Variants in MAG observed in about 807,000 individuals in gnomAD.
MAG encodes the protein myelin-associated glycoprotein.
A neutral mutation model predicts 60.7 loss-of-function variants in MAG; 30 were observed. That is an observed-to-expected ratio of 0.49 (90% CI 0.37 to 0.67). The LOEUF is 0.67. MAG is among the 30% of genes least tolerant of loss of function. MAG has a pLI of 0.00. For missense variants in MAG, 795 were observed against 851.7 expected, an observed-to-expected ratio of 0.93 and a Z score of 0.83; for synonymous variants, 384 against 376.8, an observed-to-expected ratio of 1.02 and a Z score of -0.22.
At position 35,293,004 on chromosome 19, in the gene MAG, C is replaced by T. The variant is rs141252470; in HGVS notation, c.-80+800C>T. On this transcript the variant is annotated intron_variant, in intron 1 of 10. Transcript: ENST00000392213. This position sits in a 1 kb window ranked among gnomAD's most constrained non-coding sequence, Gnocchi z 4.0. ...CATATGTTTATGGACTGTGGCCACA[C>T]ACACTGTAATAGCTGAGGTTGATTT... Among the ~76,000 whole-genome samples the T allele has an allele frequency of 7.6e-4, 115 of 152,272 alleles. No individual in the cohort carries two copies. The highest frequency in any genetic ancestry group is 2.6e-3 in the African/African-American group (108 of 41,542).
rs777551595 is a variant in MAG, at chr19:35,310,092, C to G, written c.1450C>G (p.Pro484Ala). 4 of 1,612,944 alleles carry G rather than the reference C, an allele frequency of 2.5e-6. No individual in the cohort carries two copies. Among genetic ancestry groups the G allele is most frequent in the Non-Finnish European group, 1.7e-6 (2 of 1,179,578 alleles). The change falls in exon 8 of 11, where the codon CCC (proline) becomes GCC (alanine). Residue 484 changes from proline to alanine, a missense_variant. Coordinates refer to ENST00000392213, the MANE Select transcript of MAG (RefSeq NM_002361.4). ...LTLRGQAQAP[P>A]RVICTARNLY... Reference sequence around the variant, plus strand: ...GCTGCGGGGGCAGGCCCAGGCCCCGCCCCGCGTCATCTGCACCGCGAGGAA... The same window carrying G: ...GCTGCGGGGGCAGGCCCAGGCCCCGGCCCGCGTCATCTGCACCGCGAGGAA...
chr19:35,297,949 C>T (rs2066414386), intron 4 of MAG, among the ~76,000 whole-genome samples: 1 of 144,166 alleles, frequency 6.9e-6, no homozygotes, highest in Non-Finnish European at 1.5e-5. Flanking sequence ...TACACACACA[C>T]ACCACACCAA....
intron 9 of MAG, among the ~76,000 whole-genome samples, chr19:35,310,926 T>G (rs2066522440): frequency 6.6e-6 from 1 of 151,988 alleles, no homozygotes; most frequent in South Asian, 2.1e-4. Context: ...CTAGGAACTC[T>G]CCCCTACACA....
At chr19:35,312,291 T>G (rs1257994335) in intron 10 of MAG, 4 of 1,613,560 alleles carry the variant, frequency 2.5e-6, no homozygotes, top group Non-Finnish European at 3.4e-6. Context: ...TCCAAAGAGG[T>G]TTCTACCCTG....
At position 35,303,418 on chromosome 19, in the gene MAG, C is replaced by T. The variant is rs1415400829; in HGVS notation, c.1231+710C>T. The stretch of plus-strand genomic sequence containing the variant: ...TGAGGGAGGTTCTATTACTGTTTCC[C>T]TGTTTACGGAGAAGGAAACTGAGAC... On this transcript the variant is annotated intron_variant, in intron 7 of 10. Coordinates refer to ENST00000392213, the MANE Select transcript of MAG (RefSeq NM_002361.4). Among the ~76,000 whole-genome samples, 5 of 152,166 alleles carry T rather than the reference C, an allele frequency of 3.3e-5. No homozygotes were observed. The East Asian group carries it at 7.7e-4, about 23-fold the overall frequency.
chr19:35,300,526 C>A, intron 6 of MAG, 122 bp downstream of exon 6: 2 of 1,252,482 alleles, frequency 1.6e-6, no homozygotes, highest in Non-Finnish European at 2.1e-6. Flanking sequence ...CAGTCGAGGC[C>A]AAGGTAGACA....
At position 35,313,600 on chromosome 19, in the gene MAG, C is replaced by T. The variant is rs1229578366; in HGVS notation, c.*146C>T. ...TGACAGTGAGGTCCTGGGGGCCTGA[C>T]CTCCCCCTCCTTCCCAGCTGCCCCT... On this transcript the variant is annotated 3_prime_UTR_variant, in exon 11 of 11. Coordinates refer to ENST00000392213, the MANE Select transcript of MAG (RefSeq NM_002361.4). 8.3e-6 allele frequency: 6 copies of T among 721,310 alleles called. No homozygotes were observed. The East Asian group carries it at 8.5e-5, about 10-fold the overall frequency. The allele number at this position is 721,310 out of a possible 1,614,324, so 44.7% of individuals were successfully genotyped here. A position where few individuals can be genotyped will look rare whatever the true frequency, so the allele number is the denominator to read the frequency against.
At chr19:35,310,416 C>A in intron 8 of MAG, 131 bp from the exon 9 acceptor site, 1 of 880,414 alleles carries the variant, frequency 1.1e-6, no homozygotes. Context: ...GGCTCCGTGC[C>A]AATCAGTCAG....
Position 35,310,087 on chromosome 19 carries a change from C to G in MAG, c.1445C>G (p.Ala482Gly). 6.2e-7 allele frequency: 1 copy of G among 1,612,922 alleles called. No individual in the cohort carries two copies. The highest frequency in any genetic ancestry group is 8.5e-7 in the Non-Finnish European group (1 of 1,179,626). ...CTCACGCTGCGGGGGCAGGCCCAGG[C>G]CCCGCCCCGCGTCATCTGCACCGCG... is the stretch of plus-strand genomic sequence containing the variant. ...SILTLRGQAQ[A>G]PPRVICTARN... Residue 482 changes from alanine (A) to glycine (G), a missense_variant, in exon 8 of 11, where the codon GCC becomes GGC. Transcript: ENST00000392213.
intron 10 of MAG, chr19:35,312,417 A>G: frequency 8.2e-7 from 1 of 1,213,090 alleles, no homozygotes. Flanking sequence ...TCAGGCGTCA[A>G]GGTGGTCTCT....
intron 4 of MAG, among the ~76,000 whole-genome samples, chr19:35,298,829 C>T (rs557930378): frequency 6.7e-6 from 1 of 149,986 alleles, no homozygotes; most frequent in African/African-American, 2.5e-5. Flanking sequence ...ACATGTACTA[C>T]CCACACATCA....
rs367931747 is a variant in MAG at position 35,309,400 on chromosome 19, T to G, written c.1232-474T>G. Among the ~76,000 whole-genome samples the G allele has an allele frequency of 3.4e-3, 514 of 152,236 alleles. 2 individuals carry two copies. The highest frequency in any genetic ancestry group is 0.012 in the African/African-American group (495 of 41,538). On this transcript the variant is annotated intron_variant, in intron 7 of 10. Transcript: ENST00000392213. Reference sequence around the variant, plus strand: ...GGGTTTACATGAGGGTTTAAGGAATTTGGCCCAGGGCTGGGGCTGGTTTCT... The same window carrying G: ...GGGTTTACATGAGGGTTTAAGGAATGTGGCCCAGGGCTGGGGCTGGTTTCT...
intron 9 of MAG, among the ~76,000 whole-genome samples, chr19:35,311,344 G>A (rs1182516268): frequency 1.3e-5 from 2 of 152,076 alleles, no homozygotes; most frequent in African/African-American, 4.8e-5. Flanking sequence ...CGTGCCTGTT[G>A]TCCCAGCTAC....
intron 1 of MAG, among the ~76,000 whole-genome samples, 152 bp from the exon 2 acceptor site, chr19:35,294,083 C>T (rs976367585): frequency 1.4e-5 from 2 of 146,478 alleles, no homozygotes; most frequent in African/African-American, 2.6e-5. Flanking sequence ...AGAGTGGCTT[C>T]GAGGCTGTGT....
chr19:35,307,071 T>C (rs1233887558), intron 7 of MAG, among the ~76,000 whole-genome samples: 3 of 152,258 alleles, frequency 2.0e-5, no homozygotes, highest in Non-Finnish European at 4.4e-5. Flanking sequence ...GTCGAACACT[T>C]TGTCACCAGA....
At position 35,293,943 on chromosome 19, in the gene MAG, G is replaced by A. The variant is rs2066376778; in HGVS notation, c.-79-292G>A. Among the ~76,000 whole-genome samples, 1 of 152,038 alleles carries A rather than the reference G, an allele frequency of 6.6e-6. No homozygotes were observed. The highest frequency in any genetic ancestry group is 6.5e-5 in the Admixed American group (1 of 15,272). ...CCCTGCCCGCCACCCCCAGGCCCCG[G>A]CCGTGGGACATCTGCTCCCTCACTC... On this transcript the variant is annotated intron_variant, in intron 1 of 10. Transcript: ENST00000392213. This position sits in a 1 kb window ranked among gnomAD's most constrained non-coding sequence, Gnocchi z 4.0.
At position 35,309,859 on chromosome 19, in the gene MAG, AT is replaced by A; in HGVS notation, c.1232-11del. On this transcript the variant is annotated splice_polypyrimidine_tract_variant and intron_variant, in intron 7 of 10. Coordinates refer to ENST00000392213, the MANE Select transcript of MAG (RefSeq NM_002361.4). ...TGGCTCCGGGCCACCCTCAGACCTG[AT>A]TTTGCCCCTGCAGTCGCCCCTGTGC... 1 of 1,601,172 alleles carries A rather than the reference AT, an allele frequency of 6.2e-7. No homozygotes were observed.
chr19:35,296,579 G>C (rs1435920288), intron 4 of MAG, among the ~76,000 whole-genome samples: 1 of 152,102 alleles, frequency 6.6e-6, no homozygotes, highest in East Asian at 1.9e-4. Flanking sequence ...AAGCCAAATA[G>C]AATACAGCTA....
At chr19:35,309,819 G>C in intron 7 of MAG, 55 bp from the exon 8 acceptor site, 2 of 1,573,128 alleles carry the variant, frequency 1.3e-6, no homozygotes, top group Non-Finnish European at 1.7e-6. Flanking sequence ...GAGTCTCCGG[G>C]GCCGGGCCTC....
Sources: gnomAD v4.1 joint callset for allele counts (sites outside exome capture counted in the v4.1 genomes callset) on GRCh38, gnomAD v4.1.1 for gene constraint, Gnocchi (gnomAD v3.1) non-coding constraint, MANE v1.5 for transcripts, NCBI Gene and HGNC (gene_info 2026-07-23, HGNC 2026-07-21) for gene names.